ZDHHC21: variants seen among roughly 807,000 people sequenced by gnomAD.
The protein encoded by ZDHHC21 is zDHHC palmitoyltransferase 21, also known as palmitoyltransferase ZDHHC21.
A neutral mutation model predicts 34.6 loss-of-function variants in ZDHHC21; 15 were observed. The observed-to-expected ratio is 0.43, with a 90% CI of 0.29 to 0.67. The LOEUF (loss-of-function observed/expected upper bound fraction) is 0.67. Ranked by LOEUF, ZDHHC21 falls within the 30% of genes least tolerant of loss-of-function variation. The probability of loss-of-function intolerance (pLI) is 0.14; values close to 1 mark genes in which losing one functional copy is unlikely to be tolerated. For missense variants in ZDHHC21, 344 were observed against 327.7 expected (o/e 1.05, Z -0.38); for synonymous variants, 142 against 101.8 (o/e 1.40, Z -2.38).
chr9:14,632,401 A>C (rs974947468), intron 8 of ZDHHC21, among the ~76,000 whole-genome samples: 7 of 152,100 alleles, frequency 4.6e-5, no homozygotes, highest in African/African-American at 1.7e-4. Context: ...TCTACTGTAA[A>C]AGAATAAAGA....
rs1181022948 is a variant in ZDHHC21, at chr9:14,612,723, T to A, written c.*6243A>T. On this transcript the variant is annotated 3_prime_UTR_variant, in exon 10 of 10. Transcript: ENST00000380916. ...CTCTCTGTCTGTCTGTCTCTCCGTA[T>A]CTCTCTCTCTATATATCTACACACA... 6.6e-6 allele frequency: 1 copy of A among 151,128 alleles called. No homozygotes were observed. The highest frequency in any genetic ancestry group is 1.5e-5 in the Non-Finnish European group (1 of 67,628). The allele number at this position is 151,128 out of a possible 1,614,324, so 9.4% of individuals were successfully genotyped here.
In ZDHHC21 at chr9:14,693,335, G is replaced by C; in HGVS notation, c.-331C>G. 1 of 412,224 alleles carries C rather than the reference G, an allele frequency of 2.4e-6. No individual in the cohort carries two copies. The allele number at this position is 412,224 out of a possible 1,614,324, so 25.5% of individuals were successfully genotyped here. On this transcript the variant is annotated 5_prime_UTR_variant, in exon 1 of 10. Coordinates refer to ENST00000380916, the MANE Select transcript of ZDHHC21 (RefSeq NM_178566.6). Reference sequence around the variant, plus strand: ...CGCCTCCTCCGGCGCCGCCGCCCAGGCCGGGCCGCTCTCCCCTTCCGCTTC... The same window carrying C: ...CGCCTCCTCCGGCGCCGCCGCCCAGCCCGGGCCGCTCTCCCCTTCCGCTTC...
At chr9:14,685,876 T>C (rs538747075) in intron 2 of ZDHHC21, among the ~76,000 whole-genome samples, 4 of 152,226 alleles carry the variant, frequency 2.6e-5, no homozygotes, top group Admixed American at 1.3e-4. Context: ...TATGCAGCCA[T>C]AAAAAAGGAT....
At chr9:14,688,873 C>A (rs995187384) in intron 2 of ZDHHC21, among the ~76,000 whole-genome samples, 3 of 151,542 alleles carry the variant, frequency 2.0e-5, no homozygotes, top group Non-Finnish European at 4.4e-5. Context: ...AAAACAACAA[C>A]AAAAAACGAA....
intron 5 of ZDHHC21, among the ~76,000 whole-genome samples, chr9:14,666,016 A>C (rs537889160): frequency 1.3e-5 from 2 of 150,062 alleles, no homozygotes; most frequent in African/African-American, 4.9e-5. Flanking sequence ...TTTAAATATA[A>C]ATGGACTAAA....
chr9:14,616,467 C>G lies in ZDHHC21; in HGVS notation c.*2499G>C, dbSNP rs1192337380. The G allele has an allele frequency of 6.6e-6, 1 of 151,686 alleles. No homozygotes were observed. The highest frequency in any genetic ancestry group is 1.5e-5 in the Non-Finnish European group (1 of 67,784). The allele number at this position is 151,686 out of a possible 1,614,324, so 9.4% of individuals were successfully genotyped here. ...AATTTTACATTTTTGTACATACACT[C>G]CTCCTAAGTTTGTACTTTTGATATG... On this transcript the variant is annotated 3_prime_UTR_variant, in exon 10 of 10. Transcript: ENST00000380916.
Position 14,674,234 on chromosome 9 carries a change from A to G in ZDHHC21, c.107T>C (p.Leu36Pro). 6.3e-7 allele frequency: 1 copy of G among 1,578,562 alleles called. No homozygotes were observed. Among genetic ancestry groups the G allele is most frequent in the Non-Finnish European group, 8.6e-7 (1 of 1,165,790 alleles). The change falls in exon 4 of 10, where the codon CTC becomes CCC. Residue 36 changes from leucine (L) to proline (P), a missense_variant. By Grantham distance (98) the Leu-to-Pro change is moderately conservative. Transcript: ENST00000380916. Reference protein sequence around the residue: ...YNIVLIPKIVLFPHYEEGHIP... With the variant: ...YNIVLIPKIVPFPHYEEGHIP... ...ATGTCCTTCTTCATAGTGAGGAAAG[A>G]GGACAATTTTGGGAATTAAAACAAT...
At chr9:14,670,531 A>T (rs1587356662) in intron 5 of ZDHHC21, among the ~76,000 whole-genome samples, 1 of 152,086 alleles carries the variant, frequency 6.6e-6, no homozygotes, top group African/African-American at 2.4e-5. Flanking sequence ...GGCAGAGCTG[A>T]GGAGTTGTAA....
intron 5 of ZDHHC21, among the ~76,000 whole-genome samples, chr9:14,670,863 A>G (rs1454304909): frequency 6.6e-6 from 1 of 152,086 alleles, no homozygotes; most frequent in African/African-American, 2.4e-5. Flanking sequence ...AAAAAAATCC[A>G]TCCATCTTAA....
chr9:14,599,030 T>C, the ZDHHC21 span, among the ~76,000 whole-genome samples: 1 of 152,208 alleles, frequency 6.6e-6, no homozygotes, highest in Non-Finnish European at 1.5e-5. Context: ...CCCAAAGTGC[T>C]AGGATTACAG....
chr9:14,594,358 C>A, the ZDHHC21 span, among the ~76,000 whole-genome samples: 4 of 152,114 alleles, frequency 2.6e-5, no homozygotes, highest in Admixed American at 1.3e-4. Flanking sequence ...ATTGTTATAA[C>A]GATAAGAACA....
Position 14,617,362 on chromosome 9 carries a change from T to C in ZDHHC21, c.*1604A>G, listed in dbSNP as rs1824399668. ...AATTAGAACATGAAAAACATGATAT[T>C]AACATCTCTGAGAAGAACTTACTCT... is the stretch of plus-strand genomic sequence containing the variant. On this transcript the variant is annotated 3_prime_UTR_variant, in exon 10 of 10. Coordinates refer to ENST00000380916, the MANE Select transcript of ZDHHC21 (RefSeq NM_178566.6). 1 of 151,998 alleles carries C rather than the reference T, an allele frequency of 6.6e-6. No homozygotes were observed. The allele number at this position is 151,998 out of a possible 1,614,324, so 9.4% of individuals were successfully genotyped here. A position where few individuals can be genotyped will look rare whatever the true frequency, so the allele number is the denominator to read the frequency against.
chr9:14,664,348 G>A (rs1209906521), intron 5 of ZDHHC21, among the ~76,000 whole-genome samples: 11 of 151,916 alleles, frequency 7.2e-5, no homozygotes, highest in South Asian at 2.1e-4. Context: ...CACCTGGCTC[G>A]GAGGGTCCTA....
At chr9:14,668,805 G>A (rs1438443646) in intron 5 of ZDHHC21, among the ~76,000 whole-genome samples, 3 of 130,828 alleles carry the variant, frequency 2.3e-5, no homozygotes, top group Admixed American at 7.9e-5. Flanking sequence ...CCATATGTAG[G>A]AAGCTGAAAC....
chr9:14,675,290 T>A (rs1167370837), intron 3 of ZDHHC21, among the ~76,000 whole-genome samples: 1 of 151,856 alleles, frequency 6.6e-6, no homozygotes, highest in East Asian at 1.9e-4. Context: ...AATAATAAAT[T>A]GCTGTATAAA....
intron 5 of ZDHHC21, among the ~76,000 whole-genome samples, chr9:14,664,180 G>C (rs948945756): frequency 3.3e-5 from 5 of 150,396 alleles, no homozygotes; most frequent in Admixed American, 6.6e-5. Context: ...AGCAGGGCGA[G>C]GCATTGCCTC....
the ZDHHC21 span, among the ~76,000 whole-genome samples, chr9:14,603,908 C>A: frequency 6.6e-6 from 1 of 152,076 alleles, no homozygotes. Flanking sequence ...GTTGACTCAT[C>A]CCTTGATTTG....
At chr9:14,692,441 C>A (rs962880864) in intron 1 of ZDHHC21, among the ~76,000 whole-genome samples, 1 of 152,098 alleles carries the variant, frequency 6.6e-6, no homozygotes, top group East Asian at 1.9e-4. Flanking sequence ...CCACAATGAC[C>A]TTGATTTTTT....
chr9:14,625,967 A>G (rs1406587650), intron 8 of ZDHHC21, among the ~76,000 whole-genome samples: 1 of 151,952 alleles, frequency 6.6e-6, no homozygotes, highest in Admixed American at 6.6e-5. Flanking sequence ...ACAGGAAATA[A>G]TTATATAGTA....
Sources: allele counts gnomAD v4.1 joint callset (sites outside exome capture counted in the v4.1 genomes callset), GRCh38; gene constraint gnomAD v4.1.1; transcripts MANE v1.5; gene names NCBI Gene and HGNC (gene_info 2026-07-23, HGNC 2026-07-21).